The following MAGI3 variants were observed in gnomAD, a reference collection of about 807,000 sequenced individuals.
MAGI3 encodes membrane associated guanylate kinase, WW and PDZ domain containing 3, also known as membrane-associated guanylate kinase, WW and PDZ domain-containing protein 3.
Under a neutral mutation model 121.8 loss-of-function variants are expected in MAGI3, and 43 were observed. The observed-to-expected ratio is 0.35, with a 90% CI of 0.28 to 0.46. MAGI3 has a LOEUF of 0.46. Ranked by LOEUF, MAGI3 falls within the 20% of genes least tolerant of loss-of-function variation. The pLI is 1.00. For missense variants in MAGI3, 1,547 were observed against 1,797.3 expected (o/e 0.86, Z 2.52); for synonymous variants, 553 against 639.3 (o/e 0.86, Z 2.04).
chr1:113,591,858 C>T (rs938272776), intron 5 of MAGI3, among the ~76,000 whole-genome samples: 4 of 152,086 alleles, frequency 2.6e-5, no homozygotes, highest in South Asian at 2.1e-4. Flanking sequence ...GTACTTCACC[C>T]TGCAAACAGG....
intron 2 of MAGI3, among the ~76,000 whole-genome samples, chr1:113,563,138 T>C (rs1489594023): frequency 6.6e-6 from 1 of 152,250 alleles, no homozygotes; most frequent in Admixed American, 6.5e-5. Flanking sequence ...AAGTGGAGTT[T>C]GTTTCAGGAA....
At position 113,391,884 on chromosome 1, in the gene MAGI3, G is replaced by T. The variant is rs945836126; in HGVS notation, c.316+535G>T. Among the ~76,000 whole-genome samples the T allele has an allele frequency of 6.6e-6, 1 of 152,220 alleles. No individual in the cohort carries two copies. Among genetic ancestry groups the T allele is most frequent in the Non-Finnish European group, 1.5e-5 (1 of 68,044 alleles). On this transcript the variant is annotated intron_variant, in intron 1 of 20. Transcript: ENST00000307546. The surrounding 1 kb of genome is among the most constrained non-coding windows in gnomAD (Gnocchi z 4.4). ...CAGCCTAACTCTGTCAGTCCAGGTG[G>T]TTCAGGTGTCTGAGTACCGATGACG...
At chr1:113,634,741 TTAAAG>T (rs1409299794) in intron 9 of MAGI3, among the ~76,000 whole-genome samples, 1 of 152,180 alleles carries the variant, frequency 6.6e-6, no homozygotes, top group Non-Finnish European at 1.5e-5. Flanking sequence ...CATATGAACT[TTAAAG>T]TAGTTTTTTC....
At position 113,437,863 on chromosome 1, in the gene MAGI3, C is replaced by CTT. The variant is rs1557757082; in HGVS notation, c.316+46514_316+46515insTT. 7.7e-3 allele frequency among the ~76,000 whole-genome samples: 388 copies of CTT among 50,690 alleles called. 9 individuals are homozygous for CTT. Among genetic ancestry groups the CTT allele is most frequent in the East Asian group, 0.022 (35 of 1,586 alleles). 33.3% of individuals were successfully genotyped at this position (50,690 alleles called of 152,430 possible). ...TCTTCTTCTTCTTCTTCTTCTTCTT[C>CTT]CTCTTCTTCTTCTTCTCCTTCTCCT... On this transcript the variant is annotated intron_variant, in intron 1 of 20. Coordinates refer to ENST00000307546, the MANE Select transcript of MAGI3 (RefSeq NM_001142782.2).
intron 6 of MAGI3, among the ~76,000 whole-genome samples, chr1:113,599,910 G>T (rs911325207): frequency 6.6e-6 from 1 of 151,968 alleles, no homozygotes; most frequent in Admixed American, 6.6e-5. Context: ...TGCAAGGCTG[G>T]TTCAATATAC....
intron 1 of MAGI3, among the ~76,000 whole-genome samples, chr1:113,431,336 C>T (rs1653289494): frequency 6.6e-6 from 1 of 152,036 alleles, no homozygotes; most frequent in Admixed American, 6.5e-5. Flanking sequence ...TTATATTAGA[C>T]ATTAATATAT....
Position 113,682,640 on chromosome 1 carries a change from T to C in MAGI3, c.3329-257T>C, listed in dbSNP as rs917025434. 14 of 978,234 alleles carry C rather than the reference T, an allele frequency of 1.4e-5. No individual in the cohort carries two copies. In the African/African-American group the frequency reaches 2.5e-4, roughly 17 times the overall value. 60.6% of individuals were successfully genotyped at this position (978,234 alleles called of 1,614,324 possible). ...AATAGAGAATTTACAGATCATATAT[T>C]ATCTCACTAATTATATGTAATTGGA... On this transcript the variant is annotated intron_variant, in intron 20 of 20. Transcript: ENST00000307546.
chr1:113,390,884 G>T lies in MAGI3; in HGVS notation c.-150G>T. 2.5e-6 allele frequency: 1 copy of T among 407,646 alleles called. No individual in the cohort carries two copies. The highest frequency in any genetic ancestry group is 3.8e-6 in the Non-Finnish European group (1 of 261,500). The allele number at this position is 407,646 out of a possible 1,614,324, so 25.3% of individuals were successfully genotyped here. On this transcript the variant is annotated 5_prime_UTR_variant, in exon 1 of 21. Coordinates refer to ENST00000307546, the MANE Select transcript of MAGI3 (RefSeq NM_001142782.2). The stretch of plus-strand genomic sequence containing the variant: ...GCGTCTGGGAACGGCCGGGCCCCCA[G>T]CGGGCTGTGGTCGCGGGGTGGGGGC...
chr1:113,551,013 T>C (rs1054542987), intron 2 of MAGI3, among the ~76,000 whole-genome samples: 1 of 150,740 alleles, frequency 6.6e-6, no homozygotes, highest in Non-Finnish European at 1.5e-5. Context: ...TTACTTGGAA[T>C]AATTTCTTTT....
chr1:113,665,347 T>C (rs1461432406), intron 16 of MAGI3, among the ~76,000 whole-genome samples: 1 of 152,112 alleles, frequency 6.6e-6, no homozygotes, highest in Middle Eastern at 3.2e-3. Context: ...AGTTTATTTG[T>C]TCTTGGGCTG....
At chr1:113,459,198 G>A (rs1654911213) in intron 1 of MAGI3, among the ~76,000 whole-genome samples, 1 of 152,056 alleles carries the variant, frequency 6.6e-6, no homozygotes, top group South Asian at 2.1e-4. Context: ...GTTGAAGAAA[G>A]GATAAACACT....
chr1:113,524,311 G>A (rs1202277125), intron 1 of MAGI3, among the ~76,000 whole-genome samples: 2 of 151,910 alleles, frequency 1.3e-5, no homozygotes, highest in African/African-American at 4.8e-5. Context: ...TGAGAAGAGG[G>A]CCACCATCCT....
rs1233167355 is a variant in MAGI3, at chr1:113,585,443, C to G, written c.610C>G (p.Pro204Ala). Reference protein sequence around the residue: ...PAEPSPFQPDPVDQVLFDNEF... With the variant: ...PAEPSPFQPDAVDQVLFDNEF... The stretch of plus-strand genomic sequence containing the variant: ...AGAACCCAGCCCTTTTCAGCCAGAT[C>G]CAGTTGATCAAGTCCTCTTTGATAA... The change falls in exon 4 of 21, where the codon CCA becomes GCA. Residue 204 changes from proline to alanine, a missense_variant. Pro to Ala is a conservative substitution (Grantham distance 27). Coordinates refer to ENST00000307546, the MANE Select transcript of MAGI3 (RefSeq NM_001142782.2). 6.2e-7 allele frequency: 1 copy of G among 1,614,082 alleles called. No individual in the cohort carries two copies. The highest frequency in any genetic ancestry group is 1.7e-5 in the Admixed American group (1 of 59,994).
intron 1 of MAGI3, among the ~76,000 whole-genome samples, chr1:113,520,450 A>C (rs1658120714): frequency 6.6e-6 from 1 of 152,172 alleles, no homozygotes; most frequent in Admixed American, 6.5e-5. Flanking sequence ...TAGTATAAGG[A>C]ACATTATTTT....
chr1:113,583,393 C>A (rs1203065446), intron 3 of MAGI3, among the ~76,000 whole-genome samples: 2 of 151,854 alleles, frequency 1.3e-5, no homozygotes, highest in East Asian at 3.9e-4. Context: ...ATTATGAAGT[C>A]CTAAAATCTT....
intron 16 of MAGI3, among the ~76,000 whole-genome samples, chr1:113,660,632 T>G (rs1321189032): frequency 7.7e-6 from 1 of 129,756 alleles, no homozygotes; most frequent in East Asian, 2.0e-4. Context: ...TTTTTTTTTT[T>G]GAGACAGGGT....
At chr1:113,607,585 A>G (rs565886949) in intron 6 of MAGI3, among the ~76,000 whole-genome samples, 1 of 152,314 alleles carries the variant, frequency 6.6e-6, no homozygotes, top group South Asian at 2.1e-4. Flanking sequence ...GCTTTTTTCA[A>G]CTTCAAGGTA....
intron 1 of MAGI3, among the ~76,000 whole-genome samples, chr1:113,423,246 GTT>G: frequency 9.1e-6 from 1 of 110,130 alleles, no homozygotes; most frequent in African/African-American, 3.5e-5. Context: ...GTAAGTATTC[GTT>G]TTTTTTTTTT....
intron 1 of MAGI3, among the ~76,000 whole-genome samples, chr1:113,427,894 T>C (rs1042528388): frequency 6.6e-6 from 1 of 152,188 alleles, no homozygotes; most frequent in African/African-American, 2.4e-5. Flanking sequence ...CTCACTAAAA[T>C]TTTGTTTCTT....
Sources: allele counts gnomAD v4.1 joint callset (sites outside exome capture counted in the v4.1 genomes callset), GRCh38; gene constraint gnomAD v4.1.1; non-coding constraint Gnocchi (gnomAD v3.1); transcripts MANE v1.5; gene names NCBI Gene and HGNC (gene_info 2026-07-23, HGNC 2026-07-21).